Variants in PLEKHH3 observed in about 807,000 individuals in gnomAD.
PLEKHH3 encodes the protein pleckstrin homology, MyTH4 and FERM domain containing H3, also known as pleckstrin homology domain-containing family H member 3.
A neutral mutation model predicts 77.8 loss-of-function variants in PLEKHH3; 57 were observed. The observed-to-expected ratio is 0.73, with a 90% CI of 0.59 to 0.91. The LOEUF (loss-of-function observed/expected upper bound fraction) is 0.91, where lower values mean the gene tolerates loss of function less well. Ranked by LOEUF, PLEKHH3 falls within the 40% of genes least tolerant of loss-of-function variation. The probability of loss-of-function intolerance (pLI) is 0.00; values close to 1 mark genes in which losing one functional copy is unlikely to be tolerated. For missense variants in PLEKHH3, 1,082 were observed against 1,091.2 expected (o/e 0.99, Z 0.12); for synonymous variants, 467 against 504.8 (o/e 0.93, Z 1.00).
chr17:42,669,620 T>C lies in PLEKHH3; in HGVS notation c.2015A>G (p.Glu672Gly), dbSNP rs1172187938. The change falls in exon 12 of 13, where the codon GAG (glutamate) becomes GGG (glycine). Residue 672 changes from glutamate to glycine, a missense_variant and splice_region_variant. By Grantham distance (98) the Glu-to-Gly change is moderately conservative. Around this residue, in one of 3 missense-constraint regions of PLEKHH3, gnomAD observed 733 missense variants for 750.0 expected, o/e 0.98. Transcript: ENST00000591022. ...ARYDVLELSTEPGRGAPQKLC... is the reference protein window; with the variant it reads ...ARYDVLELSTGPGRGAPQKLC... ...CTTCTGTGGAGCACCCCGACCAGGC[T>C]CCTGCAGACAGAGAGGCAGAGTCAG... is the stretch of plus-strand genomic sequence containing the variant. 6.3e-7 allele frequency: 1 copy of C among 1,599,546 alleles called. No homozygotes were observed. Among genetic ancestry groups the C allele is most frequent in the African/African-American group, 1.3e-5 (1 of 74,590 alleles).
Position 42,673,840 on chromosome 17 carries a change from G to T in PLEKHH3, c.299-6C>A, listed in dbSNP as rs780341095. The T allele has an allele frequency of 2.5e-6, 4 of 1,598,492 alleles. No homozygotes were observed. The highest frequency in any genetic ancestry group is 3.4e-6 in the Non-Finnish European group (4 of 1,175,858). On this transcript the variant is annotated splice_region_variant and splice_polypyrimidine_tract_variant and intron_variant, in intron 3 of 12. Coordinates refer to ENST00000591022, the MANE Select transcript of PLEKHH3 (RefSeq NM_024927.5). ...GGGCTCCCGGTACAGCCAACCTGGGGGCCGGAGAGGGAGGGAAGGGACATC... is the reference window on the plus strand; with the variant it reads ...GGGCTCCCGGTACAGCCAACCTGGGTGCCGGAGAGGGAGGGAAGGGACATC...
chr17:42,672,404 T>G lies in PLEKHH3; in HGVS notation c.770-12A>C, dbSNP rs1597792010. 5 of 1,486,534 alleles carry G rather than the reference T, an allele frequency of 3.4e-6. No individual in the cohort carries two copies. The highest frequency in any genetic ancestry group is 4.4e-5 in the Admixed American group (2 of 45,486). The allele number at this position is 1,486,534 out of a possible 1,614,324, so 92.1% of individuals were successfully genotyped here. On this transcript the variant is annotated splice_polypyrimidine_tract_variant and intron_variant, in intron 6 of 12. Coordinates refer to ENST00000591022, the MANE Select transcript of PLEKHH3 (RefSeq NM_024927.5). ...TGCATAGCCCGGACCTGTGGGAGGG[T>G]GGGGGCGGAGGGACGGTTTGGAGAG...
rs2052664487 is a variant in PLEKHH3, at chr17:42,670,333, T to C, written c.1598A>G (p.Asp533Gly). The C allele has an allele frequency of 1.4e-6, 2 of 1,403,660 alleles. No individual in the cohort carries two copies. Among genetic ancestry groups the C allele is most frequent in the Non-Finnish European group, 9.2e-7 (1 of 1,088,042 alleles). The allele number at this position is 1,403,660 out of a possible 1,614,324, so 87.0% of individuals were successfully genotyped here. A position where few individuals can be genotyped will look rare whatever the true frequency, so the allele number is the denominator to read the frequency against. Residue 533 changes from aspartate (D) to glycine (G), a missense_variant, in exon 11 of 13, where the codon GAC (aspartate) becomes GGC (glycine). Asp to Gly is a moderately conservative substitution (Grantham distance 94). Coordinates refer to ENST00000591022, the MANE Select transcript of PLEKHH3 (RefSeq NM_024927.5). ...CAGCGCCGCCAGGGCGCGCAGCGTG[T>C]CGTCGGGTGGGGGCGGCCGGCCCCG... ...LLRGRPPPPD[D>G]TLRALAALRL...
rs765524054 is a variant in PLEKHH3 at position 42,673,628 on chromosome 17, C to T, written c.490+15G>A. Reference sequence around the variant, plus strand: ...CCCTGCCTAGGAAGGTAGGAGAGTCCCCAGGAGGTCTCACCTGTCTCCTTA... The same window carrying T: ...CCCTGCCTAGGAAGGTAGGAGAGTCTCCAGGAGGTCTCACCTGTCTCCTTA... On this transcript the variant is annotated intron_variant, in intron 4 of 12. Transcript: ENST00000591022. 6.2e-7 allele frequency: 1 copy of T among 1,601,202 alleles called. No homozygotes were observed. The highest frequency in any genetic ancestry group is 8.5e-7 in the Non-Finnish European group (1 of 1,178,754).
At position 42,670,329 on chromosome 17, in the gene PLEKHH3, C is replaced by T. The variant is rs779434796; in HGVS notation, c.1602G>A (p.Thr534=). 9.3e-6 allele frequency: 13 copies of T among 1,396,202 alleles called. No homozygotes were observed. The highest frequency in any genetic ancestry group is 2.6e-4 in the Middle Eastern group (1 of 3,816). 86.5% of individuals were successfully genotyped at this position (1,396,202 alleles called of 1,614,324 possible). ...LRGRPPPPDD[T]LRALAALRLQ... ...GGCGCAGCGCCGCCAGGGCGCGCAG[C>T]GTGTCGTCGGGTGGGGGCGGCCGGC... Residue 534 remains threonine, a synonymous_variant, in exon 11 of 13, where the codon ACG becomes ACA. Transcript: ENST00000591022.
At chr17:42,673,114 C>T (rs532493529) in intron 6 of PLEKHH3, 62 bp downstream of exon 6, 39 of 1,455,226 alleles carry the variant, frequency 2.7e-5, no homozygotes, top group Middle Eastern at 3.7e-4. Flanking sequence ...TTAAGGGATT[C>T]AGATTCTTAC....
rs1015080025 is a variant in PLEKHH3, at chr17:42,676,623, A to C, written c.-60T>G. 9.3e-6 allele frequency: 14 copies of C among 1,504,332 alleles called. No individual in the cohort carries two copies. Among genetic ancestry groups the C allele is most frequent in the Non-Finnish European group, 1.3e-5 (14 of 1,116,548 alleles). 93.2% of individuals were successfully genotyped at this position (1,504,332 alleles called of 1,614,324 possible). A position where few individuals can be genotyped will look rare whatever the true frequency, so the allele number is the denominator to read the frequency against. On this transcript the variant is annotated 5_prime_UTR_variant, in exon 1 of 13. Transcript: ENST00000591022. This position sits in a 1 kb window ranked among gnomAD's most constrained non-coding sequence, Gnocchi z 6.6. ...CCGCGGCCGAGCAGTAGGGGGTCGG[A>C]GGAACTGGCGGGGCTCCGACCCGAG...
In PLEKHH3 at chr17:42,674,426, G is replaced by A. The variant is rs1395085204; in HGVS notation, c.163-17C>T. 1.3e-6 allele frequency: 2 copies of A among 1,578,772 alleles called. No individual in the cohort carries two copies. Among genetic ancestry groups the A allele is most frequent in the South Asian group, 1.2e-5 (1 of 85,674 alleles). On this transcript the variant is annotated splice_polypyrimidine_tract_variant and intron_variant, in intron 1 of 12. Transcript: ENST00000591022. ...CAGGGGACCCTGGGGAGACAGGCGG[G>A]GAAGCCCTCAGGGTCAGAGCCCTTC...
chr17:42,670,759 G>A (rs2052680574), intron 9 of PLEKHH3, 54 bp from the exon 10 acceptor site: 2 of 1,576,232 alleles, frequency 1.3e-6, no homozygotes, highest in Non-Finnish European at 1.7e-6. Context: ...CCTACGGCGA[G>A]GGCAGCTTGG....
chr17:42,669,788 C>A lies in PLEKHH3; in HGVS notation c.2013+130G>T, dbSNP rs527420242. The stretch of plus-strand genomic sequence containing the variant: ...GATGTGAGGGCCCAAGGGCTGGTGA[C>A]TCCTGGGGTTTGAGATGGGTAGCTG... On this transcript the variant is annotated intron_variant, in intron 11 of 12. Coordinates refer to ENST00000591022, the MANE Select transcript of PLEKHH3 (RefSeq NM_024927.5). The A allele has an allele frequency of 4.2e-5, 64 of 1,526,080 alleles. No individual in the cohort carries two copies. In the South Asian group the frequency reaches 7.5e-4, roughly 18 times the overall value. 94.5% of individuals were successfully genotyped at this position (1,526,080 alleles called of 1,614,324 possible). A position where few individuals can be genotyped will look rare whatever the true frequency, so the allele number is the denominator to read the frequency against.
intron 1 of PLEKHH3, among the ~76,000 whole-genome samples, 166 bp from the exon 2 acceptor site, chr17:42,674,575 C>T (rs1403911592): frequency 6.6e-6 from 1 of 152,220 alleles, no homozygotes; most frequent in Non-Finnish European, 1.5e-5. Context: ...TCGCCCCTCC[C>T]GCCAGTCTTA....
At position 42,673,562 on chromosome 17, in the gene PLEKHH3, G is replaced by C; in HGVS notation, c.491-6C>G. 2 of 1,588,328 alleles carry C rather than the reference G, an allele frequency of 1.3e-6. No homozygotes were observed. On this transcript the variant is annotated splice_polypyrimidine_tract_variant and splice_region_variant and intron_variant, in intron 4 of 12. Coordinates refer to ENST00000591022, the MANE Select transcript of PLEKHH3 (RefSeq NM_024927.5). ...CACAGTCACTGACCACAGACCTGGGGAAAAGAGAGGCCAGGGAGGGCCATT... is the reference window on the plus strand; with the variant it reads ...CACAGTCACTGACCACAGACCTGGGCAAAAGAGAGGCCAGGGAGGGCCATT...
Position 42,669,605 on chromosome 17 carries a change from G to A in PLEKHH3, c.2030C>T (p.Ala677Val). 1 of 1,606,992 alleles carries A rather than the reference G, an allele frequency of 6.2e-7. No individual in the cohort carries two copies. Among genetic ancestry groups the A allele is most frequent in the Non-Finnish European group, 8.5e-7 (1 of 1,175,044 alleles). ...LELSTEPGRG[A>V]PQKLCLGLGA... is the part of the protein sequence containing the mutation. ...CAAGCCCAGGCACAGCTTCTGTGGA[G>A]CACCCCGACCAGGCTCCTGCAGACA... The change falls in exon 12 of 13, where the codon GCT (alanine) becomes GTT (valine). Residue 677 changes from alanine to valine, a missense_variant. Physicochemically the swap from Ala to Val is moderately conservative, Grantham distance 64. Transcript: ENST00000591022.
At chr17:42,669,686 AT>A (rs2052639636) in intron 11 of PLEKHH3, 65 bp from the exon 12 acceptor site, 1 of 1,524,284 alleles carries the variant, frequency 6.6e-7, no homozygotes. Context: ...GTAGGGGGAG[AT>A]GGGTGTCTGT....
Position 42,673,934 on chromosome 17 carries a change from C to T in PLEKHH3, c.298G>A (p.Gly100Ser). Residue 100 changes from glycine to serine, a missense_variant and splice_region_variant, in exon 3 of 13, where the codon GGT (glycine) becomes AGT (serine). Transcript: ENST00000591022. ...PEDDPDIVVK[G>S]WLYREPRGGG... is the part of the protein sequence containing the mutation. ...AGAGTGCACTGAGGGGGGTCTCTAC[C>T]TTTCACAACGATGTCCGGGTCGTCC... is the stretch of plus-strand genomic sequence containing the variant. The T allele has an allele frequency of 6.2e-7, 1 of 1,613,422 alleles. No homozygotes were observed. Among genetic ancestry groups the T allele is most frequent in the Non-Finnish European group, 8.5e-7 (1 of 1,179,912 alleles).
In PLEKHH3 at chr17:42,669,634, A is replaced by G. The variant is rs1449755902; in HGVS notation, c.2014-13T>C. 1 of 1,593,702 alleles carries G rather than the reference A, an allele frequency of 6.3e-7. No homozygotes were observed. The highest frequency in any genetic ancestry group is 8.6e-7 in the Non-Finnish European group (1 of 1,165,624). ...CCCGACCAGGCTCCTGCAGACAGAG[A>G]GGCAGAGTCAGGGTGGAAGGAGGAG... is the stretch of plus-strand genomic sequence containing the variant. On this transcript the variant is annotated splice_polypyrimidine_tract_variant and intron_variant, in intron 11 of 12. Transcript: ENST00000591022.
Position 42,673,783 on chromosome 17 carries a change from G to A in PLEKHH3, c.350C>T (p.Pro117Leu), listed in dbSNP as rs2052758198. The part of the protein sequence containing the change: ...RGGGARPWLP[P>L]RRAWFVLTRD... ...CGTGAGCACAAACCAGGCTCGGCGC[G>A]GGGGCAGCCAGGGCCGCGCCCCTCC... The change falls in exon 4 of 13, where the codon CCG becomes CTG. Residue 117 changes from proline to leucine, a missense_variant. By Grantham distance (98) the Pro-to-Leu change is moderately conservative. This residue lies in a region of PLEKHH3 where 344 missense variants were observed against 320.8 expected (regional missense o/e 1.07). Transcript: ENST00000591022. The A allele has an allele frequency of 6.3e-7, 1 of 1,592,410 alleles. No individual in the cohort carries two copies. Among genetic ancestry groups the A allele is most frequent in the African/African-American group, 1.3e-5 (1 of 74,700 alleles).
At chr17:42,670,942 A>G in intron 9 of PLEKHH3, 52 bp downstream of exon 9, 1 of 1,586,180 alleles carries the variant, frequency 6.3e-7, no homozygotes, top group South Asian at 1.1e-5. Context: ...GACTGACCTC[A>G]GCTGAGAAGT....
intron 3 of PLEKHH3, 28 bp downstream of exon 3, chr17:42,673,906 T>C (rs770884064): frequency 5.6e-6 from 9 of 1,611,224 alleles, no homozygotes; most frequent in African/African-American, 1.3e-5. Context: ...ATTGGGGGCC[T>C]CCAGAGTGCA....
Sources: allele counts gnomAD v4.1 joint callset (sites outside exome capture counted in the v4.1 genomes callset), GRCh38; gene constraint gnomAD v4.1.1; regional missense constraint gnomAD v4.1.1; non-coding constraint Gnocchi (gnomAD v3.1); transcripts MANE v1.5; gene names NCBI Gene and HGNC (gene_info 2026-07-23, HGNC 2026-07-21).